Variants in IL33 observed in about 807,000 individuals in gnomAD.
The protein encoded by IL33 is interleukin-33.
In IL33, 37 loss-of-function variants were observed where a neutral mutation model predicts 27.3. The observed-to-expected ratio is 1.36, with a 90% confidence interval of 1.04 to 1.78. IL33 has a LOEUF of 1.78. Among genes scored for constraint, IL33 ranks in the 40% most tolerant of loss-of-function variants. IL33 has a pLI of 0.00. For synonymous variants in IL33, 132 were observed against 102.9 expected (o/e 1.28, Z -1.71); for missense variants, 406 against 311.4 (o/e 1.30, Z -2.29).
At chr9:6,235,009 A>G (rs10975504) in intron 1 of IL33, among the ~76,000 whole-genome samples, 28,867 of 152,178 alleles carry the variant, frequency 0.19, 2,995 homozygotes, top group Non-Finnish European at 0.22. Flanking sequence ...TGGAAGGAAA[A>G]AAAAATCCCA....
intron 7 of IL33, among the ~76,000 whole-genome samples, 190 bp from the exon 8 acceptor site, chr9:6,255,778 C>T (rs753376922): frequency 6.6e-6 from 1 of 152,070 alleles, no homozygotes; most frequent in South Asian, 2.1e-4. Context: ...TGAATCAAAT[C>T]AAATCCACCC....
intron 2 of IL33, among the ~76,000 whole-genome samples, chr9:6,248,488 C>T (rs1459864766): frequency 6.6e-6 from 1 of 152,102 alleles, no homozygotes; most frequent in African/African-American, 2.4e-5. Flanking sequence ...TCACTGCTGC[C>T]TTCCACCATC....
intron 1 of IL33, among the ~76,000 whole-genome samples, chr9:6,237,490 C>T (rs895365295): frequency 6.6e-6 from 1 of 152,158 alleles, no homozygotes; most frequent in Non-Finnish European, 1.5e-5. Flanking sequence ...CTCAATTATA[C>T]AAGCCAATAC....
At chr9:6,215,221 C>A (rs890234813), upstream of IL33, among the ~76,000 whole-genome samples, 9 of 152,130 alleles carry the variant, frequency 5.9e-5, no homozygotes, top group Non-Finnish European at 1.3e-4. Flanking sequence ...AACAACTTCT[C>A]ATGGGATCTA....
At chr9:6,255,903 G>T (rs1209490039) in intron 7 of IL33, 65 bp from the exon 8 acceptor site, 1 of 1,282,242 alleles carries the variant, frequency 7.8e-7, no homozygotes, top group East Asian at 2.3e-5. Flanking sequence ...TTCCAATACA[G>T]GCAGGTAAAG....
rs765810637 is a variant in IL33 at position 6,241,772 on chromosome 9, T to A, written c.78T>A (p.Cys26Ter). The change falls in exon 2 of 8, where the codon TGT (cysteine) becomes TGA (stop). Residue 26 changes from cysteine to a stop codon, truncating the protein, a stop_gained. Transcript: ENST00000682010. LOFTEE classifies it high-confidence loss of function. ...KWKNTASKALCFKLGKSQQKA... is the reference protein window; with the variant it reads ...KWKNTASKAL ...AGAACACAGCAAGCAAAGCCTTGTG[T>A]TTCAAGCTGGGAAGTAAGGACTTAA... 1 of 1,610,160 alleles carries A rather than the reference T, an allele frequency of 6.2e-7. No individual in the cohort carries two copies. Among genetic ancestry groups the A allele is most frequent in the Non-Finnish European group, 8.5e-7 (1 of 1,177,774 alleles).
At chr9:6,224,483 A>C (rs1818547088) in intron 1 of IL33, among the ~76,000 whole-genome samples, 1 of 152,184 alleles carries the variant, frequency 6.6e-6, no homozygotes. Context: ...AGCTGATAGG[A>C]TTTAGAGTAC....
chr9:6,255,714 T>A (rs562549313), intron 7 of IL33, among the ~76,000 whole-genome samples: 3 of 152,244 alleles, frequency 2.0e-5, no homozygotes, highest in Admixed American at 6.5e-5. Context: ...CCAGAACTGT[T>A]GCATCCAGAT....
intron 1 of IL33, among the ~76,000 whole-genome samples, chr9:6,234,903 T>C (rs551126197): frequency 2.4e-4 from 37 of 152,348 alleles, no homozygotes; most frequent in African/African-American, 7.7e-4. Context: ...AACTCCTTAT[T>C]GTAGCATTCA....
intron 1 of IL33, among the ~76,000 whole-genome samples, chr9:6,226,726 C>G (rs990379088): frequency 6.6e-6 from 1 of 152,162 alleles, no homozygotes; most frequent in African/African-American, 2.4e-5. Context: ...TTTTAGAATA[C>G]TATCTAACAA....
At chr9:6,216,226 G>C (rs1423202953) in intron 1 of IL33, among the ~76,000 whole-genome samples, 1 of 152,070 alleles carries the variant, frequency 6.6e-6, no homozygotes, top group Admixed American at 6.6e-5. Flanking sequence ...CAATTCCTGG[G>C]CTCAAGCAAT....
chr9:6,247,087 T>C (rs1819902324), intron 2 of IL33, among the ~76,000 whole-genome samples: 1 of 152,068 alleles, frequency 6.6e-6, no homozygotes, highest in African/African-American at 2.4e-5. Context: ...AAGATAGAGT[T>C]ACAGTTTGGG....
intron 2 of IL33, among the ~76,000 whole-genome samples, chr9:6,248,948 T>C (rs1045605796): frequency 1.3e-5 from 2 of 152,200 alleles, no homozygotes; most frequent in African/African-American, 4.8e-5. Flanking sequence ...AATGAATTAA[T>C]ACAACAGTCA....
intron 1 of IL33, among the ~76,000 whole-genome samples, chr9:6,235,984 A>G (rs1353556945): frequency 1.3e-5 from 2 of 149,900 alleles, no homozygotes; most frequent in Non-Finnish European, 3.0e-5. Context: ...ATTTTCAAAG[A>G]ATCACAACAT....
intron 1 of IL33, among the ~76,000 whole-genome samples, chr9:6,221,714 G>A (rs1818418612): frequency 6.6e-6 from 1 of 152,128 alleles, no homozygotes; most frequent in Admixed American, 6.5e-5. Context: ...GCAGCAACTA[G>A]TAACCTCTAG....
chr9:6,250,527 T>A lies in IL33; in HGVS notation c.145T>A (p.Ser49Thr), dbSNP rs759104347. 1 of 1,614,028 alleles carries A rather than the reference T, an allele frequency of 6.2e-7. No homozygotes were observed. The highest frequency in any genetic ancestry group is 1.7e-5 in the Admixed American group (1 of 60,014). ...CCCCATGTACTTTATGAAGCTCCGC[T>A]CTGGCCTTATGATAAAAAAGGAGGC... ...VCPMYFMKLRSGLMIKKEACY... is the reference protein window; with the variant it reads ...VCPMYFMKLRTGLMIKKEACY... The change falls in exon 3 of 8, where the codon TCT becomes ACT. Residue 49 changes from serine to threonine, a missense_variant. By Grantham distance (58) the Ser-to-Thr change is moderately conservative. Transcript: ENST00000682010.
intron 1 of IL33, among the ~76,000 whole-genome samples, chr9:6,221,837 G>A (rs1040246066): frequency 6.6e-6 from 1 of 152,200 alleles, no homozygotes; most frequent in African/African-American, 2.4e-5. Context: ...AGTCATATCT[G>A]TCCAGAGTGG....
At chr9:6,232,665 C>G (rs1026354282) in intron 1 of IL33, among the ~76,000 whole-genome samples, 1 of 152,152 alleles carries the variant, frequency 6.6e-6, no homozygotes, top group Non-Finnish European at 1.5e-5. Context: ...GCCTTTCTAA[C>G]CCCATCCCCA....
At chr9:6,226,959 G>A (rs1818665073) in intron 1 of IL33, among the ~76,000 whole-genome samples, 1 of 152,220 alleles carries the variant, frequency 6.6e-6, no homozygotes, top group African/African-American at 2.4e-5. Flanking sequence ...TTGCCTTGGG[G>A]CACTGCCAAC....
Sources: allele counts gnomAD v4.1 joint callset (sites outside exome capture counted in the v4.1 genomes callset), GRCh38; gene constraint gnomAD v4.1.1; transcripts MANE v1.5; gene names NCBI Gene and HGNC (gene_info 2026-07-23, HGNC 2026-07-21).